The following RTTN variants were observed in gnomAD, a reference collection of about 807,000 sequenced individuals.
RTTN encodes the protein rotatin.
A neutral mutation model predicts 269.2 loss-of-function variants in RTTN; 182 were observed. The observed-to-expected ratio is 0.68, with a 90% CI of 0.60 to 0.76. RTTN has a LOEUF of 0.76. Ranked by LOEUF, RTTN falls within the 30% of genes least tolerant of loss-of-function variation. The probability of loss-of-function intolerance (pLI) is 0.00; values close to 1 mark genes in which losing one functional copy is unlikely to be tolerated. For missense variants in RTTN, 2,545 were observed against 2,608.6 expected (o/e 0.98, Z 0.53); for synonymous variants, 1,006 against 963.5 (o/e 1.04, Z -0.82).
At position 70,069,095 on chromosome 18, in the gene RTTN, C is replaced by G. The variant is rs539553945; in HGVS notation, c.4654-3173G>C. On this transcript the variant is annotated intron_variant, in intron 34 of 48. Coordinates refer to ENST00000640769, the MANE Select transcript of RTTN (RefSeq NM_173630.4). ...TATGTTCTGGGGATCTAATGTGTAG[C>G]ATGGTGAATATGGTTAATATGGTCT... Among the ~76,000 whole-genome samples the G allele has an allele frequency of 2.3e-3, 346 of 152,036 alleles. 1 individual carries two copies. Among genetic ancestry groups the G allele is most frequent in the African/African-American group, 8.0e-3 (332 of 41,462 alleles).
At chr18:70,192,731 T>A (rs2061705951) in intron 8 of RTTN, among the ~76,000 whole-genome samples, 1 of 151,974 alleles carries the variant, frequency 6.6e-6, no homozygotes, top group African/African-American at 2.4e-5. Flanking sequence ...CATAAATTGT[T>A]CACCTTGAAG....
rs369441608 is a variant in RTTN at position 70,023,247 on chromosome 18, A to T, written c.5950+1475T>A. Among the ~76,000 whole-genome samples the T allele has an allele frequency of 1.2e-4, 18 of 152,326 alleles. No homozygotes were observed. In the South Asian group the frequency reaches 3.7e-3, roughly 32 times the overall value. On this transcript the variant is annotated intron_variant, in intron 44 of 48. Transcript: ENST00000640769. ...TGAGCGAGGACCACCCAGATTAGCCACGCCCAGATTCCTGAGCCACAGAAG... is the reference window on the plus strand; with the variant it reads ...TGAGCGAGGACCACCCAGATTAGCCTCGCCCAGATTCCTGAGCCACAGAAG...
At chr18:70,145,108 G>A (rs866445359) in intron 18 of RTTN, among the ~76,000 whole-genome samples, 2 of 152,154 alleles carry the variant, frequency 1.3e-5, no homozygotes, top group Admixed American at 6.5e-5. Context: ...AGTGCAAACC[G>A]TATTGTGAGC....
intron 46 of RTTN, chr18:70,008,168 C>T (rs1241491500): frequency 6.6e-6 from 1 of 151,984 alleles, no homozygotes; most frequent in African/African-American, 2.4e-5. Flanking sequence ...CAGAGAGGCC[C>T]GTTAGGAAGA....
intron 44 of RTTN, among the ~76,000 whole-genome samples, chr18:70,022,098 T>C (rs2056722456): frequency 3.3e-5 from 5 of 152,168 alleles, no homozygotes; most frequent in Admixed American, 3.3e-4. Context: ...TTTATGACCA[T>C]AAGTGGTACT....
At chr18:70,123,017 T>C (rs547961912) in intron 25 of RTTN, among the ~76,000 whole-genome samples, 85 of 152,266 alleles carry the variant, frequency 5.6e-4, no homozygotes, top group African/African-American at 2.0e-3. Flanking sequence ...ACTCAGGGCC[T>C]ATCCCTTTGC....
chr18:70,121,324 A>C (rs532018751), intron 26 of RTTN, among the ~76,000 whole-genome samples: 1 of 152,318 alleles, frequency 6.6e-6, no homozygotes, highest in South Asian at 2.1e-4. Context: ...CACATGCAGA[A>C]CAGGTTTTAT....
intron 7 of RTTN, among the ~76,000 whole-genome samples, chr18:70,195,997 T>G (rs2146135150): frequency 6.6e-6 from 1 of 152,342 alleles, no homozygotes; most frequent in Non-Finnish European, 1.5e-5. Context: ...GTACTGGTTT[T>G]GTCGAAGCCA....
Position 70,166,207 on chromosome 18 carries a change from A to G in RTTN, c.1803-19T>C, listed in dbSNP as rs1391624655. 1 of 1,611,868 alleles carries G rather than the reference A, an allele frequency of 6.2e-7. No homozygotes were observed. Among genetic ancestry groups the G allele is most frequent in the East Asian group, 2.2e-5 (1 of 44,784 alleles). On this transcript the variant is annotated intron_variant, in intron 13 of 48. Coordinates refer to ENST00000640769, the MANE Select transcript of RTTN (RefSeq NM_173630.4). ...TTTCCAGCTGGTGAAAAGGTAAAACAACCAAGACATGTGAGGCAAGTAAGT... is the reference window on the plus strand; with the variant it reads ...TTTCCAGCTGGTGAAAAGGTAAAACGACCAAGACATGTGAGGCAAGTAAGT...
At chr18:70,184,706 T>TTTTG (rs1555776818) in intron 10 of RTTN, among the ~76,000 whole-genome samples, 1 of 54,194 alleles carries the variant, frequency 1.8e-5, no homozygotes, top group African/African-American at 7.5e-5. Flanking sequence ...ACAGCAGGTT[T>TTTTG]TTTTTTTTTT....
At chr18:70,097,760 G>C (rs2059040319) in intron 28 of RTTN, among the ~76,000 whole-genome samples, 1 of 152,052 alleles carries the variant, frequency 6.6e-6, no homozygotes, top group Non-Finnish European at 1.5e-5. Context: ...CTGCCTTTTT[G>C]CCTACACTTC....
intron 5 of RTTN, 33 bp from the exon 6 acceptor site, chr18:70,197,771 G>A: frequency 7.4e-7 from 1 of 1,347,824 alleles, no homozygotes. Context: ...TTTTTAAGAA[G>A]AGTTCATCTA....
chr18:70,118,139 A>G (rs1029214325), intron 26 of RTTN, among the ~76,000 whole-genome samples: 1 of 152,040 alleles, frequency 6.6e-6, no homozygotes, highest in Non-Finnish European at 1.5e-5. Context: ...AATGAAATAG[A>G]AACTGGAAAA....
rs1030851911 is a variant in RTTN at position 70,102,695 on chromosome 18, T to C, written c.3903+6803A>G. On this transcript the variant is annotated intron_variant, in intron 28 of 48. Transcript: ENST00000640769. ...TGGTCTTTACAAGTTGGCATGTTTT[T>C]GCAGTGGCTGGTACCGCTTGTTCCT... 3.5e-4 allele frequency among the ~76,000 whole-genome samples: 53 copies of C among 152,238 alleles called. 1 individual carries two copies. The highest frequency in any genetic ancestry group is 7.9e-4 in the Admixed American group (12 of 15,286).
At chr18:70,068,502 G>A (rs2058206489) in intron 34 of RTTN, among the ~76,000 whole-genome samples, 1 of 152,200 alleles carries the variant, frequency 6.6e-6, no homozygotes, top group South Asian at 2.1e-4. Context: ...TGTTTGCGAG[G>A]AGAGGCTTGC....
At chr18:70,097,715 A>C (rs956192299) in intron 28 of RTTN, among the ~76,000 whole-genome samples, 12 of 152,228 alleles carry the variant, frequency 7.9e-5, no homozygotes, top group African/African-American at 2.9e-4. Context: ...ACTAAATTTT[A>C]TTACCTCAAA....
Position 70,114,532 on chromosome 18 carries a change from A to G in RTTN, c.3596T>C (p.Ile1199Thr), listed in dbSNP as rs750649014. Reference protein sequence around the residue: ...ESQAREETDDIRTAVRQQLQK... With the variant: ...ESQAREETDDTRTAVRQQLQK... ...AAGTTGTTGCCTGACAGCAGTCCGG[A>G]TATCATCTGTTTCTTCTCGTGCCTG... The change falls in exon 27 of 49, where the codon ATC becomes ACC. Residue 1199 changes from isoleucine (I) to threonine (T), a missense_variant. Coordinates refer to ENST00000640769, the MANE Select transcript of RTTN (RefSeq NM_173630.4). 16 of 1,613,754 alleles carry G rather than the reference A, an allele frequency of 9.9e-6. No individual in the cohort carries two copies. The highest frequency in any genetic ancestry group is 6.6e-5 in the South Asian group (6 of 91,056).
At chr18:70,128,219 T>A (rs1016071479) in intron 24 of RTTN, 139 bp downstream of exon 24, 2 of 637,750 alleles carry the variant, frequency 3.1e-6, no homozygotes, top group Non-Finnish European at 5.3e-6. Flanking sequence ...TAAAAGAAAG[T>A]AAAAATTATA....
At chr18:70,083,945 G>A (rs1221737119) in intron 32 of RTTN, among the ~76,000 whole-genome samples, 1 of 150,498 alleles carries the variant, frequency 6.6e-6, no homozygotes, top group African/African-American at 2.4e-5. Context: ...AGTCACAATT[G>A]ATAAAAGGGC....
Sources: allele counts gnomAD v4.1 joint callset (sites outside exome capture counted in the v4.1 genomes callset), GRCh38; gene constraint gnomAD v4.1.1; transcripts MANE v1.5; gene names NCBI Gene and HGNC (gene_info 2026-07-23, HGNC 2026-07-21).